Variants in AHCYL2 observed in about 807,000 individuals in gnomAD.
AHCYL2 encodes the protein adenosylhomocysteinase like 2, also known as S-adenosylhomocysteine hydrolase-like protein 2.
In AHCYL2, 28 loss-of-function variants were observed where a neutral mutation model predicts 81.4. The observed-to-expected ratio is 0.34, with a 90% CI of 0.25 to 0.47. The LOEUF is 0.47. AHCYL2 is among the 20% of genes least tolerant of loss of function. The probability of loss-of-function intolerance (pLI) is 1.00; values close to 1 mark genes in which losing one functional copy is unlikely to be tolerated. For missense variants in AHCYL2, 551 were observed against 785.1 expected (o/e 0.70, Z 3.56); for synonymous variants, 272 against 290.2 (o/e 0.94, Z 0.64).
At chr7:129,320,610 C>A (rs535169860) in intron 1 of AHCYL2, among the ~76,000 whole-genome samples, 40 of 152,256 alleles carry the variant, frequency 2.6e-4, no homozygotes, top group African/African-American at 9.1e-4. Flanking sequence ...CCACGTCTGG[C>A]CTTATCACAG....
chr7:129,330,707 C>T lies in AHCYL2; in HGVS notation c.364-48931C>T, dbSNP rs150984189. Reference sequence around the variant, plus strand: ...CCATCTCCCGACCTCGTGATCCACCCGCCTTGGCCTCCCAAAGTGCTGGGA... The same window carrying T: ...CCATCTCCCGACCTCGTGATCCACCTGCCTTGGCCTCCCAAAGTGCTGGGA... On this transcript the variant is annotated intron_variant, in intron 1 of 16. Transcript: ENST00000325006. 1.8e-3 allele frequency among the ~76,000 whole-genome samples: 270 copies of T among 152,020 alleles called. 1 individual carries two copies. The highest frequency in any genetic ancestry group is 6.2e-3 in the African/African-American group (255 of 41,456).
intron 1 of AHCYL2, among the ~76,000 whole-genome samples, chr7:129,339,632 A>G (rs187696845): frequency 9.1e-4 from 138 of 152,100 alleles, no homozygotes; most frequent in Non-Finnish European, 1.7e-3. Flanking sequence ...ACTGGGCTCA[A>G]GCAATCCTCC....
intron 1 of AHCYL2, among the ~76,000 whole-genome samples, chr7:129,363,372 C>T (rs1284398929): frequency 6.6e-6 from 1 of 152,092 alleles, no homozygotes; most frequent in African/African-American, 2.4e-5. Context: ...AATAGGCCTT[C>T]AGTTCTCAAA....
At chr7:129,323,869 T>G (rs2150792611) in intron 1 of AHCYL2, among the ~76,000 whole-genome samples, 1 of 150,428 alleles carries the variant, frequency 6.6e-6, no homozygotes, top group African/African-American at 2.4e-5. Context: ...TATGGCCCTT[T>G]TAGCTTTTTT....
Position 129,425,080 on chromosome 7 carries a change from G to C in AHCYL2, c.1647G>C (p.Glu549Asp). 1 of 1,613,808 alleles carries C rather than the reference G, an allele frequency of 6.2e-7. No individual in the cohort carries two copies. The highest frequency in any genetic ancestry group is 2.2e-5 in the East Asian group (1 of 44,880). ...TATTQALALI[E>D]LYNAPEGRYK... The stretch of plus-strand genomic sequence containing the variant: ...TTTTCTAGGCTCTTGCCTTGATAGA[G>C]CTTTACAATGCTCCTGAGGGTCGCT... The change falls in exon 15 of 17, where the codon GAG becomes GAC. Residue 549 changes from glutamate (E) to aspartate (D), a missense_variant. Physicochemically the swap from Glu to Asp is conservative, Grantham distance 45. This residue lies in a region of AHCYL2 where 316 missense variants were observed against 543.1 expected (regional missense o/e 0.58). Transcript: ENST00000325006.
intron 11 of AHCYL2, among the ~76,000 whole-genome samples, chr7:129,410,892 A>G (rs997548341): frequency 7.9e-5 from 12 of 152,148 alleles, no homozygotes; most frequent in African/African-American, 2.7e-4. Flanking sequence ...GAGAAGAGGG[A>G]CCATAAGAAG....
chr7:129,413,432 C>T (rs1369661380), intron 11 of AHCYL2, among the ~76,000 whole-genome samples, 162 bp from the exon 12 acceptor site: 1 of 150,644 alleles, frequency 6.6e-6, no homozygotes, highest in East Asian at 2.0e-4. Flanking sequence ...TGAGCCACCG[C>T]GCCTGGCCTG....
intron 10 of AHCYL2, among the ~76,000 whole-genome samples, chr7:129,407,975 A>T (rs1380581049): frequency 6.6e-6 from 1 of 152,182 alleles, no homozygotes; most frequent in African/African-American, 2.4e-5. Context: ...GTCTCCAAGG[A>T]AGGAGATAGC....
intron 1 of AHCYL2, among the ~76,000 whole-genome samples, chr7:129,370,523 C>T (rs1424006873): frequency 2.6e-5 from 4 of 152,068 alleles, no homozygotes; most frequent in Middle Eastern, 3.4e-3. Context: ...ACAGTGAAAC[C>T]CGGTCTCTAC....
At chr7:129,297,454 T>C (rs2150757596) in intron 1 of AHCYL2, among the ~76,000 whole-genome samples, 1 of 152,188 alleles carries the variant, frequency 6.6e-6, no homozygotes, top group African/African-American at 2.4e-5. Flanking sequence ...CACTGGTGCT[T>C]GGGGAGCAGA....
At chr7:129,393,351 G>A (rs541443650) in intron 4 of AHCYL2, among the ~76,000 whole-genome samples, 1 of 152,218 alleles carries the variant, frequency 6.6e-6, no homozygotes, top group African/African-American at 2.4e-5. Flanking sequence ...CCGAAAGGTC[G>A]AGATTGCAGT....
intron 12 of AHCYL2, among the ~76,000 whole-genome samples, chr7:129,416,098 G>C (rs932647026): frequency 6.6e-6 from 1 of 151,976 alleles, no homozygotes; most frequent in African/African-American, 2.4e-5. Flanking sequence ...TCCTAGTCTA[G>C]TTTTCTTTGT....
At chr7:129,408,783 G>T (rs906037322) in intron 10 of AHCYL2, among the ~76,000 whole-genome samples, 1 of 152,168 alleles carries the variant, frequency 6.6e-6, no homozygotes, top group Non-Finnish European at 1.5e-5. Context: ...ATATCCAAAG[G>T]TTGGCTGAAG....
intron 1 of AHCYL2, among the ~76,000 whole-genome samples, chr7:129,238,418 T>C (rs1794713930): frequency 6.6e-6 from 1 of 152,232 alleles, no homozygotes; most frequent in Non-Finnish European, 1.5e-5. Flanking sequence ...ATCTCCCTAA[T>C]ACATTGTGAG....
intron 1 of AHCYL2, among the ~76,000 whole-genome samples, chr7:129,272,893 GGC>G (rs1433282401): frequency 1.3e-5 from 2 of 151,918 alleles, no homozygotes; most frequent in Non-Finnish European, 1.5e-5. Context: ...TGCTTCAAAT[GGC>G]CAATGACTTT....
At chr7:129,317,236 T>C (rs571766580) in intron 1 of AHCYL2, among the ~76,000 whole-genome samples, 1 of 152,300 alleles carries the variant, frequency 6.6e-6, no homozygotes, top group African/African-American at 2.4e-5. Flanking sequence ...GAAGCCATCA[T>C]GTGATTTTAA....
At chr7:129,359,304 G>A (rs533449420) in intron 1 of AHCYL2, among the ~76,000 whole-genome samples, 1 of 152,288 alleles carries the variant, frequency 6.6e-6, no homozygotes, top group African/African-American at 2.4e-5. Flanking sequence ...CTGATCAGTG[G>A]TGACAAGAGT....
intron 1 of AHCYL2, among the ~76,000 whole-genome samples, chr7:129,370,158 TTC>T (rs1247681410): frequency 6.6e-6 from 1 of 152,144 alleles, no homozygotes; most frequent in Non-Finnish European, 1.5e-5. Context: ...TAATTCTTAT[TTC>T]TGTCATAGTC....
chr7:129,388,487 A>G (rs529083557), intron 2 of AHCYL2, among the ~76,000 whole-genome samples: 1 of 152,352 alleles, frequency 6.6e-6, no homozygotes, highest in South Asian at 2.1e-4. Context: ...GGGAGAGCAC[A>G]TTGAATACTT....
Sources: allele counts gnomAD v4.1 joint callset (sites outside exome capture counted in the v4.1 genomes callset), GRCh38; gene constraint gnomAD v4.1.1; regional missense constraint gnomAD v4.1.1; transcripts MANE v1.5; gene names NCBI Gene and HGNC (gene_info 2026-07-23, HGNC 2026-07-21).